Variants in CHD2 observed in about 807,000 individuals in gnomAD.
The protein encoded by CHD2 is ATP-dependent chromatin remodeler CHD2.
A neutral mutation model predicts 243.9 loss-of-function variants in CHD2; 28 were observed. The ratio of observed to expected loss-of-function variants is 0.11; its 90% CI spans 0.09 to 0.16. The LOEUF (loss-of-function observed/expected upper bound fraction) is 0.16, where lower values mean the gene tolerates loss of function less well. Among genes scored for constraint, CHD2 ranks in the 10% least tolerant of loss-of-function variants. The pLI, the probability that CHD2 is intolerant of heterozygous loss-of-function variation, is 1.00. For missense variants in CHD2, 1,386 were observed against 2,209.8 expected, an observed-to-expected ratio of 0.63 and a Z score of 7.47; for synonymous variants, 775 against 779.0, an observed-to-expected ratio of 0.99 and a Z score of 0.09.
intron 20 of CHD2, among the ~76,000 whole-genome samples, chr15:92,976,001 C>T (rs149315317): frequency 1.1e-3 from 172 of 152,304 alleles, no homozygotes; most frequent in Middle Eastern, 3.4e-3. Context: ...TACCCCACTT[C>T]ATAATATTGC....
chr15:93,002,503 G>T (rs1454445597), intron 33 of CHD2, among the ~76,000 whole-genome samples, 186 bp downstream of exon 33: 1 of 152,224 alleles, frequency 6.6e-6, no homozygotes, highest in Non-Finnish European at 1.5e-5. Flanking sequence ...GAACCTGCAA[G>T]TTTGGGGTGT....
Position 93,020,159 on chromosome 15 carries a change from G to A in CHD2, c.5054G>A (p.Arg1685His), listed in dbSNP as rs749360780. The change falls in exon 38 of 39, where the codon CGT becomes CAT. Residue 1685 changes from arginine to histidine, a missense_variant. Coordinates refer to ENST00000394196, the MANE Select transcript of CHD2 (RefSeq NM_001271.4). ...GACCGGCGACATATGGATGCCCACC[G>A]TTCCGGAAGCTATCGACCCAACAAC... ...YGDRRHMDAHRSGSYRPNNMS... is the reference protein window; with the variant it reads ...YGDRRHMDAHHSGSYRPNNMS... 1.9e-5 allele frequency: 31 copies of A among 1,614,022 alleles called. No individual in the cohort carries two copies. The highest frequency in any genetic ancestry group is 4.5e-5 in the East Asian group (2 of 44,876).
At chr15:92,989,902 T>C (rs182241847) in intron 26 of CHD2, among the ~76,000 whole-genome samples, 22 of 152,368 alleles carry the variant, frequency 1.4e-4, no homozygotes, top group Admixed American at 1.4e-3. Flanking sequence ...AGATCTTTCC[T>C]CTGCATGGAC....
chr15:92,919,528 G>T (rs1160212576), intron 2 of CHD2, among the ~76,000 whole-genome samples: 2 of 152,080 alleles, frequency 1.3e-5, no homozygotes, highest in African/African-American at 2.4e-5. Context: ...GAGTAGCTGG[G>T]ACTACAGGCA....
At chr15:92,940,020 A>G (rs2053332846) in intron 7 of CHD2, among the ~76,000 whole-genome samples, 1 of 152,194 alleles carries the variant, frequency 6.6e-6, no homozygotes, top group African/African-American at 2.4e-5. Context: ...TTTTTCCATT[A>G]AAGATATTTG....
rs1246188070 is a variant in CHD2, at chr15:92,953,635, T to G, written c.1719+62T>G. On this transcript the variant is annotated intron_variant, in intron 14 of 38. Coordinates refer to ENST00000394196, the MANE Select transcript of CHD2 (RefSeq NM_001271.4). ...TATAAATGTAATTTAGAAATTCACT[T>G]AAAGCCTTCAGTAGATCATCAGTAA... 4.0e-6 allele frequency: 6 copies of G among 1,484,468 alleles called. No individual in the cohort carries two copies. In the African/African-American group the frequency reaches 4.2e-5, roughly 10 times the overall value. 92.0% of individuals were successfully genotyped at this position (1,484,468 alleles called of 1,614,324 possible). A position where few individuals can be genotyped will look rare whatever the true frequency, so the allele number is the denominator to read the frequency against.
intron 20 of CHD2, among the ~76,000 whole-genome samples, chr15:92,975,258 T>C (rs1335238179): frequency 2.0e-5 from 3 of 152,098 alleles, no homozygotes; most frequent in Non-Finnish European, 4.4e-5. Flanking sequence ...GGCAATAGAA[T>C]TAATATAAGA....
Position 92,901,198 on chromosome 15 carries a change from C to T in CHD2, c.-40C>T. On this transcript the variant is annotated 5_prime_UTR_variant, in exon 2 of 39. Coordinates refer to ENST00000394196, the MANE Select transcript of CHD2 (RefSeq NM_001271.4). ...CCTGGGCACAGGACTTCAAAGCAAA[C>T]ACAGATTCCCCCTCCCCCTTAATAT... 2 of 1,284,084 alleles carry T rather than the reference C, an allele frequency of 1.6e-6. No homozygotes were observed. 79.5% of individuals were successfully genotyped at this position (1,284,084 alleles called of 1,614,324 possible).
At chr15:92,967,269 T>C (rs79192300) in intron 16 of CHD2, 56 bp from the exon 17 acceptor site, 4 of 1,283,364 alleles carry the variant, frequency 3.1e-6, no homozygotes, top group Non-Finnish European at 4.3e-6. Context: ...CAGTTTTTTT[T>C]CCTATTCTTC....
intron 38 of CHD2, chr15:93,020,555 C>G (rs769560735): frequency 3.5e-6 from 2 of 563,492 alleles, no homozygotes; most frequent in Non-Finnish European, 6.3e-6. Flanking sequence ...AAGCTCTGTG[C>G]GAGGCTGTCA....
At chr15:93,019,860 G>A in intron 37 of CHD2, 152 bp from the exon 38 acceptor site, 1 of 923,120 alleles carries the variant, frequency 1.1e-6, no homozygotes, top group Non-Finnish European at 1.6e-6. Context: ...CTTGACCCAA[G>A]AGATGGAGAT....
chr15:92,903,239 C>G (rs60691630), intron 2 of CHD2, among the ~76,000 whole-genome samples: 60 of 152,326 alleles, frequency 3.9e-4, no homozygotes, highest in African/African-American at 1.4e-3. Context: ...AATATTACTT[C>G]TACTGAGCTG....
intron 22 of CHD2, among the ~76,000 whole-genome samples, chr15:92,979,900 C>T (rs958808423): frequency 4.7e-5 from 7 of 148,980 alleles, no homozygotes; most frequent in Admixed American, 2.0e-4. Context: ...CCTGGGCGAC[C>T]GATAATAATA....
intron 3 of CHD2, among the ~76,000 whole-genome samples, chr15:92,926,351 G>A (rs2053061527): frequency 6.6e-6 from 1 of 152,124 alleles, no homozygotes; most frequent in Non-Finnish European, 1.5e-5. Context: ...TTCTCATGAC[G>A]TTAGCTGTCA....
At chr15:92,975,009 C>G in intron 20 of CHD2, 59 bp downstream of exon 20, 2 of 1,366,318 alleles carry the variant, frequency 1.5e-6, no homozygotes, top group Non-Finnish European at 2.1e-6. Flanking sequence ...AGGGGAAAGT[C>G]TCTCTCGCTT....
At chr15:92,958,176 T>C (rs1033228669) in intron 16 of CHD2, among the ~76,000 whole-genome samples, 13 of 152,246 alleles carry the variant, frequency 8.5e-5, no homozygotes, top group African/African-American at 3.1e-4. Flanking sequence ...TTTTAGAAAC[T>C]ACCACGCTGT....
intron 19 of CHD2, among the ~76,000 whole-genome samples, chr15:92,973,041 G>A (rs1416817827): frequency 3.9e-5 from 6 of 152,310 alleles, no homozygotes; most frequent in Admixed American, 3.9e-4. Context: ...TGTGTATGGT[G>A]AAAGTAGAGA....
intron 16 of CHD2, among the ~76,000 whole-genome samples, chr15:92,963,333 TA>T (rs1170826371): frequency 5.9e-5 from 9 of 152,170 alleles, no homozygotes; most frequent in Non-Finnish European, 5.9e-5. Context: ...TTTTTGCTAT[TA>T]AAAAAATTGT....
chr15:92,931,421 C>G (rs574380306), intron 5 of CHD2, among the ~76,000 whole-genome samples: 1 of 152,218 alleles, frequency 6.6e-6, no homozygotes, highest in East Asian at 1.9e-4. Context: ...GCTCTGTCAC[C>G]TAGGCTAGAG....
Sources: allele counts gnomAD v4.1 joint callset (sites outside exome capture counted in the v4.1 genomes callset), GRCh38; gene constraint gnomAD v4.1.1; transcripts MANE v1.5; gene names NCBI Gene and HGNC (gene_info 2026-07-23, HGNC 2026-07-21).